The following PXDC1 variants were observed in gnomAD, a reference collection of about 807,000 sequenced individuals.
PXDC1 encodes the protein PX domain containing 1.
In PXDC1, 13 loss-of-function variants were observed where a neutral mutation model predicts 24.4. That is an observed-to-expected ratio of 0.53 (90% CI 0.35 to 0.85). The LOEUF (loss-of-function observed/expected upper bound fraction) is 0.85. Ranked by LOEUF, PXDC1 falls within the 40% of genes least tolerant of loss-of-function variation. PXDC1 has a pLI of 0.01. For missense variants in PXDC1, 344 were observed against 309.3 expected (o/e 1.11, Z -0.84); for synonymous variants, 162 against 124.9 (o/e 1.30, Z -1.98).
chr6:3,743,225 T>G (rs1015337639), intron 1 of PXDC1, among the ~76,000 whole-genome samples: 3 of 151,976 alleles, frequency 2.0e-5, no homozygotes, highest in African/African-American at 7.3e-5. Flanking sequence ...CTGGCTCGGG[T>G]GCGCTGGGAG....
At chr6:3,743,758 C>G (rs537200159) in intron 1 of PXDC1, among the ~76,000 whole-genome samples, 2 of 152,298 alleles carry the variant, frequency 1.3e-5, no homozygotes, top group East Asian at 3.9e-4. Flanking sequence ...TATAACTGTA[C>G]AAGGAGAGCG....
In PXDC1 at chr6:3,737,618, T is replaced by C. The variant is rs1280613082; in HGVS notation, c.349-422A>G. On this transcript the variant is annotated intron_variant, in intron 2 of 4. Coordinates refer to ENST00000380283, the MANE Select transcript of PXDC1 (RefSeq NM_183373.4). The surrounding 1 kb of genome is among the most constrained non-coding windows in gnomAD (Gnocchi z 5.5). ...TCACGACGAAGCCCGCAGGCTTACA[T>C]GGAAAGGGAGTTGACGGTCAAATCC... 2 of 983,676 alleles carry C rather than the reference T, an allele frequency of 2.0e-6. No individual in the cohort carries two copies. The highest frequency in any genetic ancestry group is 1.2e-6 in the Non-Finnish European group (1 of 828,436). 60.9% of individuals were successfully genotyped at this position (983,676 alleles called of 1,614,324 possible).
At chr6:3,729,911 G>C (rs769146843) in intron 3 of PXDC1, among the ~76,000 whole-genome samples, 1 of 152,218 alleles carries the variant, frequency 6.6e-6, no homozygotes, top group Non-Finnish European at 1.5e-5. Flanking sequence ...ATTCTGAAGA[G>C]TTACTTTACA....
chr6:3,744,211 A>T (rs1000210307), intron 1 of PXDC1, among the ~76,000 whole-genome samples: 3 of 152,216 alleles, frequency 2.0e-5, no homozygotes, highest in African/African-American at 7.2e-5. Context: ...TCCGTCCTGC[A>T]GCATCACAGG....
At chr6:3,733,863 T>C (rs1760257285) in intron 3 of PXDC1, among the ~76,000 whole-genome samples, 1 of 152,164 alleles carries the variant, frequency 6.6e-6, no homozygotes, top group African/African-American at 2.4e-5. Context: ...CGCCAACATC[T>C]GAAGGTGGCA....
chr6:3,751,170 G>A, intron 1 of PXDC1, 106 bp downstream of exon 1: 1 of 899,604 alleles, frequency 1.1e-6, no homozygotes, highest in Non-Finnish European at 1.6e-6. Flanking sequence ...TCCAGGGCGG[G>A]CAGAAAGGAG....
chr6:3,745,420 A>T (rs1244164628), intron 1 of PXDC1, among the ~76,000 whole-genome samples: 1 of 152,266 alleles, frequency 6.6e-6, no homozygotes, highest in Admixed American at 6.5e-5. Flanking sequence ...TTCGGTACTC[A>T]CAACGGCCCT....
rs1207546280 is a variant in PXDC1, at chr6:3,724,235, C to CG, written c.579-500dup. ...GAGCCGGCGAGGCCCGTGGAGGTCA[C>CG]GGGGGGAGACACCTTCTAGCGGGGA... On this transcript the variant is annotated intron_variant, in intron 4 of 4. Coordinates refer to ENST00000380283, the MANE Select transcript of PXDC1 (RefSeq NM_183373.4). This position sits in a 1 kb window ranked among gnomAD's most constrained non-coding sequence, Gnocchi z 4.5. Among the ~76,000 whole-genome samples the CG allele has an allele frequency of 1.3e-5, 2 of 151,922 alleles. No individual in the cohort carries two copies. The highest frequency in any genetic ancestry group is 2.1e-4 in the South Asian group (1 of 4,802).
At chr6:3,736,731 T>C (rs1313142168) in intron 3 of PXDC1, among the ~76,000 whole-genome samples, 5 of 152,240 alleles carry the variant, frequency 3.3e-5, no homozygotes, top group Non-Finnish European at 7.3e-5. Context: ...CCAAATTCAA[T>C]GCCACGTGAC....
intron 1 of PXDC1, among the ~76,000 whole-genome samples, chr6:3,739,792 TACC>T (rs1561736993): frequency 1.1e-4 from 16 of 152,218 alleles, no homozygotes; most frequent in Admixed American, 5.9e-4. Context: ...AATATTTATA[TACC>T]GCAATTTACA....
At chr6:3,735,720 C>T (rs1268873738) in intron 3 of PXDC1, among the ~76,000 whole-genome samples, 1 of 152,138 alleles carries the variant, frequency 6.6e-6, no homozygotes, top group Non-Finnish European at 1.5e-5. Flanking sequence ...ACAGTACTGC[C>T]TTGTGTATTT....
At chr6:3,751,252 C>T in intron 1 of PXDC1, 24 bp downstream of exon 1, 3 of 1,445,618 alleles carry the variant, frequency 2.1e-6, no homozygotes, top group South Asian at 1.4e-5. Flanking sequence ...GCCCCGCGCC[C>T]CTCCCGCGTC....
chr6:3,742,381 G>A (rs1298067727), intron 1 of PXDC1, among the ~76,000 whole-genome samples: 1 of 152,126 alleles, frequency 6.6e-6, no homozygotes, highest in Admixed American at 6.5e-5. Context: ...AAAACTTTTG[G>A]TTTTTATATT....
At chr6:3,727,100 G>A (rs1760087379) in intron 4 of PXDC1, among the ~76,000 whole-genome samples, 1 of 152,260 alleles carries the variant, frequency 6.6e-6, no homozygotes. Context: ...TCAAATCAGA[G>A]ACAGAAAGAG....
chr6:3,729,402 T>C (rs1294993165), intron 3 of PXDC1, among the ~76,000 whole-genome samples: 1 of 152,172 alleles, frequency 6.6e-6, no homozygotes, highest in Admixed American at 6.5e-5. Flanking sequence ...TTGCTAAAAT[T>C]CCACCTGCCT....
At position 3,735,304 on chromosome 6, in the gene PXDC1, C is replaced by T. The variant is rs1760289619; in HGVS notation, c.466+1775G>A. 2.0e-5 allele frequency among the ~76,000 whole-genome samples: 3 copies of T among 152,166 alleles called. No homozygotes were observed. The South Asian group carries it at 6.2e-4, about 32-fold the overall frequency. ...GAGAACACAGAAATAAATCGATATACTTACAGCCAACTGATTTTTGACAAA... is the reference window on the plus strand; with the variant it reads ...GAGAACACAGAAATAAATCGATATATTTACAGCCAACTGATTTTTGACAAA... On this transcript the variant is annotated intron_variant, in intron 3 of 4. Coordinates refer to ENST00000380283, the MANE Select transcript of PXDC1 (RefSeq NM_183373.4).
At chr6:3,732,505 A>G (rs1329936129) in intron 3 of PXDC1, among the ~76,000 whole-genome samples, 1 of 152,236 alleles carries the variant, frequency 6.6e-6, no homozygotes, top group Non-Finnish European at 1.5e-5. Context: ...AAGTTGCCAG[A>G]TCGAAGCTGA....
chr6:3,726,782 C>A (rs185886367), intron 4 of PXDC1, among the ~76,000 whole-genome samples: 109 of 152,384 alleles, frequency 7.2e-4, no homozygotes, highest in African/African-American at 2.5e-3. Context: ...GGAGACTCTG[C>A]ATCCAGAGCT....
At chr6:3,743,722 G>A (rs1760500563) in intron 1 of PXDC1, among the ~76,000 whole-genome samples, 2 of 152,194 alleles carry the variant, frequency 1.3e-5, no homozygotes, top group Admixed American at 6.5e-5. Context: ...AGACTGACAC[G>A]TTTCCACCTG....
Sources: allele counts gnomAD v4.1 joint callset (sites outside exome capture counted in the v4.1 genomes callset), GRCh38; gene constraint gnomAD v4.1.1; non-coding constraint Gnocchi (gnomAD v3.1); transcripts MANE v1.5; gene names NCBI Gene and HGNC (gene_info 2026-07-23, HGNC 2026-07-21).